Variants in CACNA1B observed in about 807,000 individuals in gnomAD.
CACNA1B encodes the protein calcium voltage-gated channel subunit alpha1 B.
Under a neutral mutation model 247.2 loss-of-function variants are expected in CACNA1B, and 70 were observed. The observed-to-expected ratio is 0.28, with a 90% confidence interval of 0.23 to 0.35. CACNA1B has a LOEUF of 0.35. Among genes scored for constraint, CACNA1B ranks in the 10% least tolerant of loss-of-function variants. The pLI is 1.00. For missense variants in CACNA1B, 2,367 were observed against 3,197.4 expected (o/e 0.74, Z 6.26); for synonymous variants, 1,231 against 1,294.4 (o/e 0.95, Z 1.05).
At chr9:137,935,409 C>T (rs1441918094) in intron 6 of CACNA1B, among the ~76,000 whole-genome samples, 1 of 152,182 alleles carries the variant, frequency 6.6e-6, no homozygotes, top group East Asian at 1.9e-4. Context: ...CAGCTTCATC[C>T]ATGTCCCTAC....
chr9:137,966,370 A>G (rs1432381530), intron 10 of CACNA1B, among the ~76,000 whole-genome samples: 1 of 149,918 alleles, frequency 6.7e-6, no homozygotes, highest in Non-Finnish European at 1.5e-5. Flanking sequence ...GACTACAGGC[A>G]CCTACCACCA....
intron 10 of CACNA1B, among the ~76,000 whole-genome samples, chr9:137,960,421 TCAGCCTGAGAGACGGAGGG>T (rs1958004808): frequency 8.3e-5 from 1 of 12,034 alleles, no homozygotes; most frequent in African/African-American, 3.3e-4. Context: ...GGAGGGGAGG[TCAGCCTGAGAGACGGAGGG>T]GGAGGGGAGG....
chr9:137,888,015 A>C lies in CACNA1B; in HGVS notation c.530+5132A>C, dbSNP rs1588980934. On this transcript the variant is annotated intron_variant, in intron 3 of 46. Transcript: ENST00000371372. This position sits in a 1 kb window ranked among gnomAD's most constrained non-coding sequence, Gnocchi z 4.7. ...GAGAGGCTGGGAGGGTGGCGGGGGC[A>C]GGGGGGCCTTGGCTCGGGCGTTGGA... Among the ~76,000 whole-genome samples the C allele has an allele frequency of 6.6e-6, 1 of 151,186 alleles. No homozygotes were observed. The highest frequency in any genetic ancestry group is 6.6e-5 in the Admixed American group (1 of 15,204).
chr9:137,886,935 G>A (rs1957023398), intron 3 of CACNA1B, among the ~76,000 whole-genome samples: 1 of 151,874 alleles, frequency 6.6e-6, no homozygotes. Context: ...AGCAGCCTGG[G>A]AAGAGGTATG....
rs1340324056 is a variant in CACNA1B, at chr9:138,100,049, A to G, written c.5223-2662A>G. The stretch of plus-strand genomic sequence containing the variant: ...CACATGGTGACTGTAGCTCAAGGCC[A>G]GGGCATTTCTGAGGAAGGAGAGGCC... On this transcript the variant is annotated intron_variant, in intron 37 of 46. Transcript: ENST00000371372. The surrounding 1 kb of genome is among the most constrained non-coding windows in gnomAD (Gnocchi z 4.6). Among the ~76,000 whole-genome samples the G allele has an allele frequency of 2.0e-5, 3 of 152,270 alleles. No homozygotes were observed. The highest frequency in any genetic ancestry group is 7.2e-5 in the African/African-American group (3 of 41,472).
intron 20 of CACNA1B, among the ~76,000 whole-genome samples, chr9:138,028,097 G>C (rs192220146): frequency 7.2e-6 from 1 of 138,840 alleles, no homozygotes; most frequent in Non-Finnish European, 1.5e-5. Context: ...GCAGTGGCAC[G>C]GTCTCGGCTC....
At chr9:138,090,671 A>G (rs1294898934) in intron 36 of CACNA1B, among the ~76,000 whole-genome samples, 1 of 148,128 alleles carries the variant, frequency 6.8e-6, no homozygotes, top group Non-Finnish European at 1.5e-5. Flanking sequence ...TTAATATCCA[A>G]AATATACAAG....
chr9:138,114,390 C>T lies in CACNA1B; in HGVS notation c.5549C>T (p.Thr1850Ile), dbSNP rs1420212480. Residue 1850 changes from threonine to isoleucine, a missense_variant, in exon 41 of 47, where the codon ACA becomes ATA. Physicochemically the swap from Thr to Ile is moderately conservative, Grantham distance 89. Around this residue, in one of 12 missense-constraint regions of CACNA1B, gnomAD observed 773 missense variants for 779.4 expected, o/e 0.99. Coordinates refer to ENST00000371372, the MANE Select transcript of CACNA1B (RefSeq NM_000718.4). Reference protein sequence around the residue: ...LVPPHKPDEMTVGKVYAALMI... With the variant: ...LVPPHKPDEMIVGKVYAALMI... ...TGTTCTTTTCCAGCTGATGAGATGA[C>T]AGTGGGGAAGGTTTATGCAGCTCTG... The T allele has an allele frequency of 1.3e-6, 2 of 1,557,500 alleles. No individual in the cohort carries two copies. Among genetic ancestry groups the T allele is most frequent in the Non-Finnish European group, 8.8e-7 (1 of 1,136,410 alleles).
Position 137,914,805 on chromosome 9 carries a change from A to AG in CACNA1B, c.775+1dup. On this transcript the variant is annotated frameshift_variant and splice_region_variant, in exon 5 of 47. Coordinates refer to ENST00000371372, the MANE Select transcript of CACNA1B (RefSeq NM_000718.4). LOFTEE classifies it high-confidence loss of function. The surrounding 1 kb of genome is among the most constrained non-coding windows in gnomAD (Gnocchi z 4.3). ...ACAAGGCCTGTTTCCCCAACAGCAC[A>AG]GGTGAGGCCAGGCAGCACCCTCCAG... 6.2e-7 allele frequency: 1 copy of AG among 1,613,872 alleles called. No homozygotes were observed. Among genetic ancestry groups the AG allele is most frequent in the Non-Finnish European group, 8.5e-7 (1 of 1,179,824 alleles).
At chr9:138,075,953 C>T (rs200736486) in intron 35 of CACNA1B, 43 bp downstream of exon 35, 44 of 1,299,070 alleles carry the variant, frequency 3.4e-5, no homozygotes, top group East Asian at 7.2e-5. Flanking sequence ...GCTCTTCCGT[C>T]GGGGGCTGCT....
intron 15 of CACNA1B, among the ~76,000 whole-genome samples, chr9:138,000,108 T>C (rs1958547715): frequency 6.6e-6 from 1 of 151,802 alleles, no homozygotes; most frequent in Non-Finnish European, 1.5e-5. Context: ...ATGCTTTTTT[T>C]TTTTTTTTGA....
chr9:137,933,857 T>C (rs1206999639), intron 6 of CACNA1B, among the ~76,000 whole-genome samples: 1 of 152,136 alleles, frequency 6.6e-6, no homozygotes, highest in African/African-American at 2.4e-5. Flanking sequence ...AAGACATGGT[T>C]CCTGTATACA....
intron 1 of CACNA1B, 30 bp from the exon 2 acceptor site, chr9:137,879,024 C>G (rs374340725): frequency 1.4e-6 from 2 of 1,443,464 alleles, no homozygotes; most frequent in African/African-American, 2.8e-5. Flanking sequence ...CTCCGTGCGG[C>G]GTCTGCCGGC....
At chr9:137,901,272 C>T (rs1420959646) in intron 3 of CACNA1B, among the ~76,000 whole-genome samples, 2 of 150,076 alleles carry the variant, frequency 1.3e-5, no homozygotes, top group Non-Finnish European at 3.0e-5. Context: ...GTCTGTGTCT[C>T]TGTGTCTGTG....
chr9:137,892,957 C>T (rs1390351901), intron 3 of CACNA1B, among the ~76,000 whole-genome samples: 1 of 152,216 alleles, frequency 6.6e-6, no homozygotes, highest in Non-Finnish European at 1.5e-5. Context: ...CTGAAACGCC[C>T]AGACACACAG....
chr9:137,941,175 A>G (rs1004988759), intron 6 of CACNA1B, among the ~76,000 whole-genome samples: 67 of 152,128 alleles, frequency 4.4e-4, no homozygotes, highest in African/African-American at 1.6e-3. Context: ...AACCCTAAAA[A>G]CTCCTCCAGA....
Position 138,020,075 on chromosome 9 carries a change from C to T in CACNA1B, c.2268-2936C>T, listed in dbSNP as rs949060565. Among the ~76,000 whole-genome samples the T allele has an allele frequency of 1.1e-4, 15 of 135,330 alleles. No homozygotes were observed. Among genetic ancestry groups the T allele is most frequent in the Non-Finnish European group, 1.8e-4 (12 of 66,034 alleles). The allele number at this position is 135,330 out of a possible 152,430, so 88.8% of individuals were successfully genotyped here. A position where few individuals can be genotyped will look rare whatever the true frequency, so the allele number is the denominator to read the frequency against. ...TCACACCACTGCACTCCAGCCTGGG[C>T]GACACAGCGAGACTCTGTCTCCCAA... On this transcript the variant is annotated intron_variant, in intron 18 of 46. Transcript: ENST00000371372. This position sits in a 1 kb window ranked among gnomAD's most constrained non-coding sequence, Gnocchi z 4.1.
Position 138,020,138 on chromosome 9 carries a change from A to G in CACNA1B, c.2268-2873A>G, listed in dbSNP as rs1039691276. 1.3e-5 allele frequency among the ~76,000 whole-genome samples: 2 copies of G among 148,816 alleles called. No homozygotes were observed. The highest frequency in any genetic ancestry group is 2.5e-5 in the African/African-American group (1 of 40,088). On this transcript the variant is annotated intron_variant, in intron 18 of 46. Transcript: ENST00000371372. The surrounding 1 kb of genome is among the most constrained non-coding windows in gnomAD (Gnocchi z 4.1). ...AAAAAAATGCAGATGGCAGGTATCC[A>G]TGGTGTCACACCAGGGCTGCTTCAT...
In CACNA1B at chr9:137,917,244, C is replaced by T. The variant is rs200683902; in HGVS notation, c.779C>T (p.Ala260Val). 5.6e-6 allele frequency: 9 copies of T among 1,610,822 alleles called. No homozygotes were observed. Among genetic ancestry groups the T allele is most frequent in the African/African-American group, 1.3e-5 (1 of 74,872 alleles). ...TGCTTCATTCTCCTTCTTGCAGATG[C>T]GGAGCCCGTGGGTGACTTCCCCTGT... ...HKACFPNSTDAEPVGDFPCGK... is the reference protein window; with the variant it reads ...HKACFPNSTDVEPVGDFPCGK... The change falls in exon 6 of 47, where the codon GCG (alanine) becomes GTG (valine). Residue 260 changes from alanine to valine, a missense_variant. Transcript: ENST00000371372. This position sits in a 1 kb window ranked among gnomAD's most constrained non-coding sequence, Gnocchi z 5.5.
Sources: allele counts gnomAD v4.1 joint callset (sites outside exome capture counted in the v4.1 genomes callset), GRCh38; gene constraint gnomAD v4.1.1; regional missense constraint gnomAD v4.1.1; non-coding constraint Gnocchi (gnomAD v3.1); transcripts MANE v1.5; gene names NCBI Gene and HGNC (gene_info 2026-07-23, HGNC 2026-07-21).